PCDHA11: variants seen among roughly 807,000 people sequenced by gnomAD.
The protein encoded by PCDHA11 is protocadherin alpha-11.
PCDHA11 carries 61 observed loss-of-function variants against 70.3 expected under a neutral mutation model. That is an observed-to-expected ratio of 0.87 (90% CI 0.71 to 1.07). The LOEUF is 1.07. Among genes scored for constraint, PCDHA11 ranks in the 50% least tolerant of loss-of-function variants. PCDHA11 has a pLI of 0.00. For synonymous variants in PCDHA11, 633 were observed against 555.1 expected (o/e 1.14, Z -1.97); for missense variants, 1,324 against 1,237.5 (o/e 1.07, Z -1.05).
Position 140,869,555 on chromosome 5 carries a change from G to C in PCDHA11, c.452G>C (p.Arg151Pro), listed in dbSNP as rs2051240207. 6.2e-7 allele frequency: 1 copy of C among 1,614,054 alleles called. No homozygotes were observed. The highest frequency in any genetic ancestry group is 8.5e-7 in the Non-Finnish European group (1 of 1,180,056). The change falls in exon 1 of 4, where the codon CGT becomes CCT. Residue 151 changes from arginine to proline, a missense_variant. Physicochemically the swap from Arg to Pro is moderately radical, Grantham distance 103. Coordinates refer to ENST00000398640, the MANE Select transcript of PCDHA11 (RefSeq NM_018902.5). ...GCGGAATCTAAGCAATCGGACTCGC[G>C]TTTTCCACTAGAGGGAGCTTCTGAT... The part of the protein sequence containing the change: ...LIAESKQSDS[R>P]FPLEGASDAD...
At chr5:140,947,341 A>C (rs1159995588) in intron 1 of PCDHA11, among the ~76,000 whole-genome samples, 1 of 151,806 alleles carries the variant, frequency 6.6e-6, no homozygotes, top group East Asian at 1.9e-4. Context: ...TGTGGGCTTA[A>C]TTCTGGACTC....
At chr5:140,959,567 T>A (rs2095496193) in intron 1 of PCDHA11, among the ~76,000 whole-genome samples, 1 of 152,208 alleles carries the variant, frequency 6.6e-6, no homozygotes, top group Non-Finnish European at 1.5e-5. Context: ...AGTACTAGAT[T>A]TTTTGTTTCA....
At chr5:140,981,766 T>C (rs1321747581) in intron 2 of PCDHA11, among the ~76,000 whole-genome samples, 7 of 152,144 alleles carry the variant, frequency 4.6e-5, no homozygotes, top group Non-Finnish European at 1.0e-4. Flanking sequence ...CATACATAAA[T>C]GAATACTGCA....
chr5:140,986,000 A>G (rs549071976), intron 3 of PCDHA11, among the ~76,000 whole-genome samples: 1 of 151,922 alleles, frequency 6.6e-6, no homozygotes, highest in Non-Finnish European at 1.5e-5. Flanking sequence ...CAGCCTCCCA[A>G]AGTGCTGGGA....
At position 140,978,970 on chromosome 5, in the gene PCDHA11, T is replaced by A; in HGVS notation, c.2413T>A (p.Trp805Arg). The change falls in exon 2 of 4, where the codon TGG (tryptophan) becomes AGG (arginine). Residue 805 changes from tryptophan to arginine, a missense_variant. Coordinates refer to ENST00000398640, the MANE Select transcript of PCDHA11 (RefSeq NM_018902.5). ...PGQPRQPNPD[W>R]RYSASLRAGM... is the part of the protein sequence containing the mutation. Reference sequence around the variant, plus strand: ...GCAGCCACGACAGCCCAACCCTGACTGGCGTTACTCTGCCTCCCTGAGAGC... The same window carrying A: ...GCAGCCACGACAGCCCAACCCTGACAGGCGTTACTCTGCCTCCCTGAGAGC... 6.2e-7 allele frequency: 1 copy of A among 1,614,216 alleles called. No homozygotes were observed. Among genetic ancestry groups the A allele is most frequent in the Admixed American group, 1.7e-5 (1 of 60,030 alleles).
chr5:140,912,164 CT>C (rs1281307479), intron 1 of PCDHA11, among the ~76,000 whole-genome samples: 1 of 152,158 alleles, frequency 6.6e-6, no homozygotes, highest in Non-Finnish European at 1.5e-5. Flanking sequence ...TTTATTCTGG[CT>C]GTGCTGGCAG....
intron 1 of PCDHA11, chr5:140,876,989 G>T (rs781957201): frequency 1.2e-6 from 2 of 1,612,664 alleles, no homozygotes; most frequent in South Asian, 1.1e-5. Context: ...GCACTGTCGA[G>T]CTACGTGTCG....
In PCDHA11 at chr5:140,877,360, G is replaced by A. The variant is rs199937567; in HGVS notation, c.2391+5866G>A. Reference sequence around the variant, plus strand: ...GTTCCACGTGGGGCTGTACACTGGCGAGATCAGCACGACACGCATCCTGGA... The same window carrying A: ...GTTCCACGTGGGGCTGTACACTGGCAAGATCAGCACGACACGCATCCTGGA... On this transcript the variant is annotated intron_variant, in intron 1 of 3. Coordinates refer to ENST00000398640, the MANE Select transcript of PCDHA11 (RefSeq NM_018902.5). 63 of 1,614,022 alleles carry A rather than the reference G, an allele frequency of 3.9e-5. No individual in the cohort carries two copies. The highest frequency in any genetic ancestry group is 6.7e-5 in the Admixed American group (4 of 60,028).
chr5:140,906,644 T>C (rs1167181721), intron 1 of PCDHA11, among the ~76,000 whole-genome samples: 3 of 152,232 alleles, frequency 2.0e-5, no homozygotes, highest in Admixed American at 6.5e-5. Flanking sequence ...CAGCAGGTAG[T>C]GGTTTTTTCC....
chr5:140,893,882 C>G (rs2064212921), intron 1 of PCDHA11, among the ~76,000 whole-genome samples: 1 of 152,140 alleles, frequency 6.6e-6, no homozygotes, highest in Non-Finnish European at 1.5e-5. Flanking sequence ...CCAAAGTGGC[C>G]AGAAAGTTAC....
intron 3 of PCDHA11, among the ~76,000 whole-genome samples, chr5:140,988,254 T>G (rs910037234): frequency 6.6e-6 from 1 of 152,188 alleles, no homozygotes; most frequent in East Asian, 1.9e-4. Context: ...AGCTCCCGCC[T>G]GTGAGTATCC....
intron 1 of PCDHA11, among the ~76,000 whole-genome samples, chr5:140,953,431 G>A (rs782512202): frequency 6.6e-5 from 10 of 152,088 alleles, no homozygotes; most frequent in Non-Finnish European, 1.2e-4. Flanking sequence ...TTGTCCTTAA[G>A]CTGGAGAAAC....
At chr5:141,001,303 A>G (rs2098006866) in intron 3 of PCDHA11, among the ~76,000 whole-genome samples, 2 of 152,182 alleles carry the variant, frequency 1.3e-5, no homozygotes, top group Admixed American at 1.3e-4. Context: ...GCCCAGAGAT[A>G]TGAAATAATT....
At chr5:140,873,414 G>T (rs184525297) in intron 1 of PCDHA11, among the ~76,000 whole-genome samples, 57 of 152,118 alleles carry the variant, frequency 3.7e-4, no homozygotes, top group African/African-American at 1.2e-3. Flanking sequence ...TTAAAATTTT[G>T]TAAATTATTA....
At chr5:140,984,783 G>A (rs2097120793) in intron 3 of PCDHA11, among the ~76,000 whole-genome samples, 1 of 152,152 alleles carries the variant, frequency 6.6e-6, no homozygotes, top group African/African-American at 2.4e-5. Flanking sequence ...CTTGCTGGGT[G>A]AGCATAGACA....
chr5:140,917,417 C>T (rs1163543772), intron 1 of PCDHA11, among the ~76,000 whole-genome samples: 1 of 152,082 alleles, frequency 6.6e-6, no homozygotes, highest in African/African-American at 2.4e-5. Flanking sequence ...TAATTAGGCC[C>T]CATTTGCCAA....
chr5:141,000,415 ATATATATTTTTTT>A (rs1176788591), intron 3 of PCDHA11, among the ~76,000 whole-genome samples: 1 of 87,398 alleles, frequency 1.1e-5, no homozygotes, highest in Non-Finnish European at 2.1e-5. Flanking sequence ...ATATATATAT[ATATATATTTTTTT>A]TTTTTTTTTT....
At chr5:140,941,214 C>CTTCCTTTCTTTCTTT (rs1554214039) in intron 1 of PCDHA11, among the ~76,000 whole-genome samples, 1 of 122,414 alleles carries the variant, frequency 8.2e-6, no homozygotes, top group Non-Finnish European at 1.7e-5. Context: ...TTTCTTTCTT[C>CTTCCTTTCTTTCTTT]CTTTCTTTCT....
intron 1 of PCDHA11, among the ~76,000 whole-genome samples, chr5:140,872,045 C>G (rs1286579116): frequency 6.6e-6 from 1 of 152,208 alleles, no homozygotes; most frequent in East Asian, 1.9e-4. Flanking sequence ...AAGAATTCTC[C>G]CACTTCAGCC....
Sources: allele counts gnomAD v4.1 joint callset (sites outside exome capture counted in the v4.1 genomes callset), GRCh38; gene constraint gnomAD v4.1.1; transcripts MANE v1.5; gene names NCBI Gene and HGNC (gene_info 2026-07-23, HGNC 2026-07-21).